Variants in DCC observed in about 807,000 individuals in gnomAD.
DCC encodes the protein netrin receptor DCC.
A neutral mutation model predicts 172.5 loss-of-function variants in DCC; 58 were observed. The observed-to-expected ratio is 0.34, with a 90% CI of 0.27 to 0.42. DCC has a LOEUF of 0.42. Among genes scored for constraint, DCC ranks in the 10% least tolerant of loss-of-function variants. The probability of loss-of-function intolerance (pLI) is 1.00; values close to 1 mark genes in which losing one functional copy is unlikely to be tolerated. For synonymous variants in DCC, 709 were observed against 644.5 expected (o/e 1.10, Z -1.52); for missense variants, 1,740 against 1,791.0 (o/e 0.97, Z 0.51).
chr18:53,129,760 T>C (rs965762289), intron 7 of DCC, among the ~76,000 whole-genome samples: 2 of 152,174 alleles, frequency 1.3e-5, no homozygotes, highest in Admixed American at 6.5e-5. Context: ...ATGAACGCTT[T>C]CTAATTTTTG....
intron 1 of DCC, among the ~76,000 whole-genome samples, chr18:52,694,989 G>T (rs1411878520): frequency 1.3e-5 from 2 of 152,136 alleles, no homozygotes; most frequent in African/African-American, 4.8e-5. Context: ...GGGAATCAAG[G>T]GTTGCCTCCC....
chr18:53,076,368 G>A (rs2042724971), intron 7 of DCC, among the ~76,000 whole-genome samples: 1 of 152,072 alleles, frequency 6.6e-6, no homozygotes, highest in African/African-American at 2.4e-5. Context: ...TTGAGGACAT[G>A]GTACCATATA....
At chr18:52,792,208 G>A (rs992332344) in intron 2 of DCC, among the ~76,000 whole-genome samples, 3 of 151,966 alleles carry the variant, frequency 2.0e-5, no homozygotes, top group Admixed American at 6.6e-5. Context: ...GAGGGTGGGG[G>A]CCTCTGTTCC....
intron 5 of DCC, among the ~76,000 whole-genome samples, chr18:52,969,584 A>ACTCCCTCTCT (rs2040991292): frequency 3.3e-5 from 4 of 119,440 alleles, no homozygotes; most frequent in Non-Finnish European, 5.0e-5. Context: ...CCCGCCCCCC[A>ACTCCCTCTCT]CTCTCTCTCT....
intron 1 of DCC, among the ~76,000 whole-genome samples, chr18:52,421,081 CA>C (rs1987231190): frequency 6.6e-6 from 1 of 152,128 alleles, no homozygotes; most frequent in Non-Finnish European, 1.5e-5. Flanking sequence ...ACACATCTAA[CA>C]TTAGTGCTAT....
intron 1 of DCC, among the ~76,000 whole-genome samples, chr18:52,747,298 T>A (rs1030313045): frequency 3.3e-5 from 5 of 152,156 alleles, no homozygotes; most frequent in Non-Finnish European, 5.9e-5. Flanking sequence ...ATTTCTTTCT[T>A]TATGAAGCAA....
chr18:52,750,932 T>C (rs1231670340), intron 1 of DCC, among the ~76,000 whole-genome samples: 2 of 152,022 alleles, frequency 1.3e-5, no homozygotes, highest in African/African-American at 2.4e-5. Flanking sequence ...ATAATTTAGG[T>C]GGTATTTTTT....
intron 1 of DCC, among the ~76,000 whole-genome samples, chr18:52,615,179 G>C (rs2034356790): frequency 6.6e-6 from 1 of 152,110 alleles, no homozygotes; most frequent in African/African-American, 2.4e-5. Context: ...GCTTTGGAAA[G>C]GTGCTTCAGA....
intron 24 of DCC, among the ~76,000 whole-genome samples, chr18:53,462,282 G>T (rs1339242456): frequency 1.3e-5 from 2 of 152,094 alleles, no homozygotes; most frequent in Non-Finnish European, 2.9e-5. Flanking sequence ...AAAGAGCAAA[G>T]CTTCATATGT....
chr18:52,984,142 TAGA>T (rs1598998086), intron 5 of DCC, among the ~76,000 whole-genome samples: 2 of 152,138 alleles, frequency 1.3e-5, no homozygotes, highest in East Asian at 3.9e-4. Context: ...ATGAGCTATA[TAGA>T]AAATGATTTA....
intron 1 of DCC, among the ~76,000 whole-genome samples, chr18:52,554,331 G>A (rs1405906112): frequency 1.3e-5 from 2 of 152,072 alleles, no homozygotes; most frequent in Non-Finnish European, 2.9e-5. Flanking sequence ...CATCAACCTG[G>A]ATGAATGCTT....
At chr18:53,376,784 C>T (rs759386736) in intron 15 of DCC, among the ~76,000 whole-genome samples, 2 of 152,116 alleles carry the variant, frequency 1.3e-5, no homozygotes, top group African/African-American at 2.4e-5. Context: ...TCTTTTCTCC[C>T]CTCTTGACTT....
intron 5 of DCC, among the ~76,000 whole-genome samples, chr18:52,989,947 C>T (rs1018020639): frequency 3.9e-5 from 6 of 152,174 alleles, no homozygotes; most frequent in Admixed American, 3.9e-4. Flanking sequence ...TTGTCTATAT[C>T]AGGCAGCATC....
At chr18:52,967,265 TC>T (rs1427982684) in intron 5 of DCC, among the ~76,000 whole-genome samples, 1 of 152,176 alleles carries the variant, frequency 6.6e-6, no homozygotes, top group Non-Finnish European at 1.5e-5. Context: ...TCATTCTTTT[TC>T]ATGGAGCAAA....
intron 18 of DCC, among the ~76,000 whole-genome samples, chr18:53,398,153 G>A (rs939752841): frequency 8.6e-5 from 13 of 151,808 alleles, no homozygotes; most frequent in African/African-American, 2.7e-4. Context: ...TTTTTGATGG[G>A]TTTCATAATA....
intron 7 of DCC, among the ~76,000 whole-genome samples, chr18:53,144,362 G>A (rs536785995): frequency 1.3e-5 from 2 of 152,252 alleles, no homozygotes; most frequent in Non-Finnish European, 2.9e-5. Flanking sequence ...ACTTGAGACT[G>A]GGTAATTTAT....
intron 5 of DCC, among the ~76,000 whole-genome samples, chr18:53,055,180 T>C (rs2042387414): frequency 6.6e-6 from 1 of 152,252 alleles, no homozygotes; most frequent in East Asian, 1.9e-4. Context: ...AGACAATCCA[T>C]GTTCTTAAGG....
chr18:52,767,427 C>A (rs889497069), intron 2 of DCC, among the ~76,000 whole-genome samples: 5 of 152,100 alleles, frequency 3.3e-5, no homozygotes, highest in African/African-American at 9.7e-5. Context: ...TCCAGGCAGC[C>A]TTTAACATAT....
At chr18:53,087,880 T>G (rs1317016895) in intron 7 of DCC, among the ~76,000 whole-genome samples, 1 of 151,636 alleles carries the variant, frequency 6.6e-6, no homozygotes, top group Non-Finnish European at 1.5e-5. Context: ...CATTGCTTGT[T>G]TTTCTCAGGT....
Sources: allele counts gnomAD v4.1 joint callset (sites outside exome capture counted in the v4.1 genomes callset), GRCh38; gene constraint gnomAD v4.1.1; transcripts MANE v1.5; gene names NCBI Gene and HGNC (gene_info 2026-07-23, HGNC 2026-07-21).